Variants in CACNA1H observed in about 807,000 individuals in gnomAD.
CACNA1H encodes calcium voltage-gated channel subunit alpha1 H, also known as voltage-dependent T-type calcium channel subunit alpha-1H.
In CACNA1H, 149 loss-of-function variants were observed where a neutral mutation model predicts 192.5. The ratio of observed to expected loss-of-function variants is 0.77; its 90% CI spans 0.68 to 0.89. CACNA1H has a LOEUF of 0.89. Ranked by LOEUF, CACNA1H falls within the 40% of genes least tolerant of loss-of-function variation. CACNA1H has a pLI of 0.00. For synonymous variants in CACNA1H, 2,202 were observed against 1,475.2 expected, an observed-to-expected ratio of 1.49 and a Z score of -11.29; for missense variants, 4,257 against 3,423.5, an observed-to-expected ratio of 1.24 and a Z score of -6.08.
At chr16:1,173,539 C>T (rs1198056669) in intron 2 of CACNA1H, among the ~76,000 whole-genome samples, 1 of 152,210 alleles carries the variant, frequency 6.6e-6, no homozygotes, top group Non-Finnish European at 1.5e-5. Context: ...ATAATAAGCC[C>T]TTTGTGTGTT....
Position 1,206,202 on chromosome 16 carries a change from T to C in CACNA1H, c.2702T>C (p.Leu901Pro). The C allele has an allele frequency of 3.1e-6, 5 of 1,594,322 alleles. No homozygotes were observed. Among genetic ancestry groups the C allele is most frequent in the Non-Finnish European group, 4.3e-6 (5 of 1,171,426 alleles). Reference protein sequence around the residue: ...VLKLVRFLPALRRQLVVLVKT... With the variant: ...VLKLVRFLPAPRRQLVVLVKT... The stretch of plus-strand genomic sequence containing the variant: ...AAGCTGGTGCGCTTTCTGCCAGCCC[T>C]GCGGCGCCAGCTCGTGGTGCTGGTG... Residue 901 changes from leucine to proline, a missense_variant, in exon 12 of 35, where the codon CTG (leucine) becomes CCG (proline). Coordinates refer to ENST00000348261, the MANE Select transcript of CACNA1H (RefSeq NM_021098.3).
In CACNA1H at chr16:1,200,460, C is replaced by T. The variant is rs1183381904; in HGVS notation, c.1008C>T (p.Ala336=). ...QAEGVGAARN[A]CINWNQYYNV... ...AGGGGGTGGGCGCTGCACGCAACGC[C>T]TGCATCAACTGGAACCAGTACTACA... The change falls in exon 7 of 35, where the codon GCC becomes GCT. Residue 336 remains alanine, a synonymous_variant. Transcript: ENST00000348261. 3.1e-6 allele frequency: 5 copies of T among 1,611,928 alleles called. No homozygotes were observed. The highest frequency in any genetic ancestry group is 1.7e-5 in the Admixed American group (1 of 60,008).
chr16:1,194,654 A>G (rs1966846280), intron 2 of CACNA1H, among the ~76,000 whole-genome samples: 1 of 152,128 alleles, frequency 6.6e-6, no homozygotes, highest in South Asian at 2.1e-4. Context: ...AGTGGCCCTC[A>G]CTGGGGCCTC....
chr16:1,166,414 C>T (rs1963781455), intron 2 of CACNA1H, among the ~76,000 whole-genome samples: 2 of 152,232 alleles, frequency 1.3e-5, no homozygotes, highest in Non-Finnish European at 1.5e-5. Flanking sequence ...GCGTACAAGG[C>T]CCTCTGGCCA....
Position 1,220,238 on chromosome 16 carries a change from C to T in CACNA1H, c.6306C>T (p.Ser2102=). The change falls in exon 35 of 35, where the codon AGC becomes AGT. Residue 2102 remains serine (S), a synonymous_variant. Transcript: ENST00000348261. The stretch of plus-strand genomic sequence containing the variant: ...CGGACCCAGCCGACGAGGAGGTCAG[C>T]CACATCACCAGCTCCGCCTGCCCCT... ...EASDPADEEV[S]HITSSACPWQ... 1 of 1,585,028 alleles carries T rather than the reference C, an allele frequency of 6.3e-7. No homozygotes were observed. Among genetic ancestry groups the T allele is most frequent in the Non-Finnish European group, 8.5e-7 (1 of 1,171,578 alleles).
chr16:1,188,396 G>C (rs143164568), intron 2 of CACNA1H, among the ~76,000 whole-genome samples: 1 of 152,282 alleles, frequency 6.6e-6, no homozygotes, highest in Non-Finnish European at 1.5e-5. Flanking sequence ...GCACCTCAGG[G>C]CTCAGTCGGC....
In CACNA1H at chr16:1,208,913, C is replaced by T. The variant is rs775867579; in HGVS notation, c.3364-119C>T. 2.1e-4 allele frequency: 239 copies of T among 1,120,782 alleles called. 1 individual carries two copies. Among genetic ancestry groups the T allele is most frequent in the Non-Finnish European group, 2.6e-4 (223 of 848,796 alleles). 69.4% of individuals were successfully genotyped at this position (1,120,782 alleles called of 1,614,324 possible). On this transcript the variant is annotated intron_variant, in intron 16 of 34. Transcript: ENST00000348261. ...AAATCACAGCCTCCACCGTGCCTCC[C>T]TGGCGGGGCTATGCATTAAATGATC...
At chr16:1,202,573 G>A in intron 9 of CACNA1H, 121 bp downstream of exon 9, 1 of 892,092 alleles carries the variant, frequency 1.1e-6, no homozygotes, top group Admixed American at 3.1e-5. Context: ...TTTGACTTGT[G>A]AAACAGACCA....
In CACNA1H at chr16:1,218,600, C is replaced by G. The variant is rs57429153; in HGVS notation, c.5836C>G (p.Arg1946Gly). ...PVVPASAPHPRPLQEVEMETY... is the reference protein window; with the variant it reads ...PVVPASAPHPGPLQEVEMETY... ...GGTGCCTGCCTCGGCGCCCCACCCC[C>G]GCCCGCTGCAGGAGGTGGAGATGGA... is the stretch of plus-strand genomic sequence containing the variant. Residue 1946 changes from arginine to glycine, a missense_variant, in exon 33 of 35, where the codon CGC becomes GGC. Transcript: ENST00000348261. 1.9e-6 allele frequency: 3 copies of G among 1,565,240 alleles called. No individual in the cohort carries two copies. The highest frequency in any genetic ancestry group is 2.6e-6 in the Non-Finnish European group (3 of 1,155,132).
intron 2 of CACNA1H, 107 bp from the exon 3 acceptor site, chr16:1,194,865 G>T (rs976126478): frequency 6.3e-6 from 5 of 798,454 alleles, no homozygotes; most frequent in South Asian, 5.6e-5. Flanking sequence ...ACACCCCCAC[G>T]CGCGCACACC....
At chr16:1,160,739 A>T (rs920153938) in intron 2 of CACNA1H, among the ~76,000 whole-genome samples, 1 of 152,140 alleles carries the variant, frequency 6.6e-6, no homozygotes, top group Non-Finnish European at 1.5e-5. Context: ...AATGTGCTCC[A>T]CGAGGCCTCC....
chr16:1,159,117 G>A (rs532211530), intron 2 of CACNA1H, among the ~76,000 whole-genome samples: 47 of 152,366 alleles, frequency 3.1e-4, no homozygotes, highest in East Asian at 2.1e-3. Context: ...TTGGGGAGCC[G>A]TGCAGAGTGG....
At chr16:1,211,399 G>A (rs1301835370) in intron 22 of CACNA1H, 82 bp from the exon 23 acceptor site, 14 of 1,606,988 alleles carry the variant, frequency 8.7e-6, no homozygotes, top group Middle Eastern at 1.7e-4. Context: ...GGGACAGCTC[G>A]GGCCTCACTC....
intron 2 of CACNA1H, among the ~76,000 whole-genome samples, chr16:1,182,204 C>T (rs943841285): frequency 6.6e-6 from 1 of 152,168 alleles, no homozygotes; most frequent in African/African-American, 2.4e-5. Context: ...GTGGGAGGCT[C>T]TGCGGGGTGG....
At chr16:1,164,677 G>A (rs1251112852) in intron 2 of CACNA1H, among the ~76,000 whole-genome samples, 1 of 152,242 alleles carries the variant, frequency 6.6e-6, no homozygotes, top group Non-Finnish European at 1.5e-5. Context: ...AGGCCTTTCC[G>A]TCGGAGACCC....
intron 34 of CACNA1H, 129 bp downstream of exon 34, chr16:1,219,259 T>G (rs569591617): frequency 2.0e-5 from 18 of 882,538 alleles, no homozygotes; most frequent in Admixed American, 1.2e-4. Flanking sequence ...TCCTTGGGGC[T>G]CCGAAGGTTT....
Position 1,218,970 on chromosome 16 carries a change from G to A in CACNA1H, c.5888G>A (p.Gly1963Asp), listed in dbSNP as rs1367061803. Residue 1963 changes from glycine (G) to aspartate (D), a missense_variant and splice_region_variant, in exon 34 of 35, where the codon GGC (glycine) becomes GAC (aspartate). By Grantham distance (94) the Gly-to-Asp change is moderately conservative (BLOSUM62 -1). Transcript: ENST00000348261. ...METYGAGTPL[G>D]SVASVHSPPA... Reference sequence around the variant, plus strand: ...CAGCTTAGATTCTTCCCTGCCCCAGGCTCCGTTGCCTCTGTGCACTCTCCG... The same window carrying A: ...CAGCTTAGATTCTTCCCTGCCCCAGACTCCGTTGCCTCTGTGCACTCTCCG... 7 of 1,549,882 alleles carry A rather than the reference G, an allele frequency of 4.5e-6. No individual in the cohort carries two copies. The highest frequency in any genetic ancestry group is 2.0e-5 in the Admixed American group (1 of 50,964).
intron 2 of CACNA1H, among the ~76,000 whole-genome samples, chr16:1,173,467 T>C (rs1383520002): frequency 6.6e-6 from 1 of 152,272 alleles, no homozygotes; most frequent in African/African-American, 2.4e-5. Flanking sequence ...TCTCTCTCGC[T>C]ATTTACTTTT....
At chr16:1,173,421 G>A (rs921602359) in intron 2 of CACNA1H, among the ~76,000 whole-genome samples, 4 of 152,346 alleles carry the variant, frequency 2.6e-5, no homozygotes, top group South Asian at 2.1e-4. Flanking sequence ...ACGCTGGTGC[G>A]GACGGACGAA....
Sources: allele counts gnomAD v4.1 joint callset (sites outside exome capture counted in the v4.1 genomes callset), GRCh38; gene constraint gnomAD v4.1.1; transcripts MANE v1.5; gene names NCBI Gene and HGNC (gene_info 2026-07-23, HGNC 2026-07-21).